ASTN1: variants seen among roughly 807,000 people sequenced by gnomAD.
ASTN1 encodes astrotactin-1.
ASTN1 carries 41 observed loss-of-function variants against 140.7 expected under a neutral mutation model. The observed-to-expected ratio is 0.29, with a 90% CI of 0.23 to 0.38. The LOEUF is 0.38. Ranked by LOEUF, ASTN1 falls within the 10% of genes least tolerant of loss-of-function variation. The pLI is 1.00. For synonymous variants in ASTN1, 640 were observed against 652.2 expected, an observed-to-expected ratio of 0.98 and a Z score of 0.29; for missense variants, 1,479 against 1,678.8, an observed-to-expected ratio of 0.88 and a Z score of 2.08.
chr1:176,984,353 T>C (rs1673783120), intron 8 of ASTN1, among the ~76,000 whole-genome samples: 1 of 152,206 alleles, frequency 6.6e-6, no homozygotes, highest in African/African-American at 2.4e-5. Context: ...AGCATTATTC[T>C]GGGAAAAAGG....
intron 9 of ASTN1, among the ~76,000 whole-genome samples, chr1:176,959,596 G>A (rs182467522): frequency 2.4e-4 from 37 of 152,128 alleles, no homozygotes; most frequent in Admixed American, 1.1e-3. Flanking sequence ...GAGTTAGAGA[G>A]CAGCCAAGCC....
chr1:176,900,149 A>G (rs1253475724), intron 16 of ASTN1, among the ~76,000 whole-genome samples: 1 of 152,250 alleles, frequency 6.6e-6, no homozygotes, highest in African/African-American at 2.4e-5. Flanking sequence ...ACAGTTCTCT[A>G]GTCCTTTACT....
At chr1:177,092,473 T>C (rs961338353) in intron 1 of ASTN1, among the ~76,000 whole-genome samples, 2 of 152,204 alleles carry the variant, frequency 1.3e-5, no homozygotes, top group African/African-American at 4.8e-5. Flanking sequence ...TTCCTGATGG[T>C]GAATTTTGAA....
chr1:176,901,906 T>C (rs1669782921), intron 16 of ASTN1, among the ~76,000 whole-genome samples: 1 of 152,268 alleles, frequency 6.6e-6, no homozygotes, highest in African/African-American at 2.4e-5. Flanking sequence ...ACAAATCTTT[T>C]GTCAGAATGT....
intron 8 of ASTN1, among the ~76,000 whole-genome samples, chr1:176,969,924 C>T (rs1557999699): frequency 1.3e-5 from 2 of 152,208 alleles, no homozygotes; most frequent in Non-Finnish European, 1.5e-5. Flanking sequence ...CAGGAAGCAC[C>T]GCAGACCCAT....
intron 7 of ASTN1, among the ~76,000 whole-genome samples, chr1:177,020,564 T>A (rs1675773441): frequency 6.6e-6 from 1 of 152,192 alleles, no homozygotes; most frequent in South Asian, 2.1e-4. Context: ...ACTCAGATAA[T>A]CTTCCCCCCA....
chr1:176,930,783 T>C (rs1671174176), intron 16 of ASTN1, among the ~76,000 whole-genome samples: 1 of 151,696 alleles, frequency 6.6e-6, no homozygotes, highest in Non-Finnish European at 1.5e-5. Context: ...GAACTGGAGG[T>C]GAGGAAGTAG....
chr1:176,895,188 A>G (rs886357703), intron 16 of ASTN1, among the ~76,000 whole-genome samples: 2 of 152,246 alleles, frequency 1.3e-5, no homozygotes, highest in Non-Finnish European at 2.9e-5. Flanking sequence ...AGATACGAAT[A>G]GTATCTATGT....
chr1:177,092,074 C>T (rs1313100819), intron 1 of ASTN1, among the ~76,000 whole-genome samples: 4 of 152,082 alleles, frequency 2.6e-5, no homozygotes, highest in Admixed American at 6.5e-5. Context: ...TGAAGAAATG[C>T]CAATTGTTTT....
Position 176,884,402 on chromosome 1 carries a change from C to A in ASTN1, c.3163G>T (p.Val1055Leu). ...HSEPPIGVQI[V>L]DYLLRQEKVT... ...TTCTCTTGACGGAGGAGGTAATCTA[C>A]AATCTGCACCCCGATTGGTGGCTCT... Residue 1055 changes from valine to leucine, a missense_variant, in exon 19 of 23, where the codon GTA becomes TTA. Physicochemically the swap from Val to Leu is conservative, Grantham distance 32. Around this residue, in one of 3 missense-constraint regions of ASTN1, gnomAD observed 746 missense variants for 800.9 expected, o/e 0.93. Transcript: ENST00000361833. 1.9e-6 allele frequency: 3 copies of A among 1,614,186 alleles called. No individual in the cohort carries two copies. The highest frequency in any genetic ancestry group is 2.5e-6 in the Non-Finnish European group (3 of 1,180,028).
At position 177,032,844 on chromosome 1, in the gene ASTN1, G is replaced by A; in HGVS notation, c.477C>T (p.Gly159=). Residue 159 remains glycine (G), a synonymous_variant, in exon 3 of 23, where the codon GGC becomes GGT. Transcript: ENST00000361833. The part of the protein sequence containing the change: ...LRILHISVMG[G]MIALLLSILC... ...AGATGGACAGCAGCAGAGCGATCATGCCACCCTAGGAAGAGAGGACCACAG... is the reference window on the plus strand; with the variant it reads ...AGATGGACAGCAGCAGAGCGATCATACCACCCTAGGAAGAGAGGACCACAG... 1 of 1,597,960 alleles carries A rather than the reference G, an allele frequency of 6.3e-7. No homozygotes were observed. Among genetic ancestry groups the A allele is most frequent in the Non-Finnish European group, 8.5e-7 (1 of 1,172,158 alleles).
intron 8 of ASTN1, among the ~76,000 whole-genome samples, chr1:177,008,793 C>A (rs1675138318): frequency 6.6e-6 from 1 of 152,032 alleles, no homozygotes; most frequent in African/African-American, 2.4e-5. Context: ...TTGTGGATGG[C>A]AAAGCAATGA....
At chr1:177,036,231 G>C (rs1000289054) in intron 2 of ASTN1, among the ~76,000 whole-genome samples, 7 of 151,656 alleles carry the variant, frequency 4.6e-5, no homozygotes, top group African/African-American at 1.7e-4. Context: ...TGTATTTTTA[G>C]TAGAGACGGG....
At chr1:177,072,099 C>T (rs1678673483) in intron 1 of ASTN1, among the ~76,000 whole-genome samples, 1 of 152,150 alleles carries the variant, frequency 6.6e-6, no homozygotes. Flanking sequence ...TGGCACAGTG[C>T]TCTTGCTACA....
intron 8 of ASTN1, among the ~76,000 whole-genome samples, chr1:176,993,760 CT>C (rs1463653359): frequency 3.3e-5 from 5 of 152,164 alleles, no homozygotes; most frequent in African/African-American, 1.2e-4. Flanking sequence ...ATCTAAATCT[CT>C]CTTTAGGATG....
intron 7 of ASTN1, among the ~76,000 whole-genome samples, 166 bp from the exon 8 acceptor site, chr1:177,015,041 CA>C (rs1675480243): frequency 6.6e-6 from 1 of 152,180 alleles, no homozygotes; most frequent in African/African-American, 2.4e-5. Context: ...CTCCACCACT[CA>C]CATAAATGAA....
intron 2 of ASTN1, among the ~76,000 whole-genome samples, chr1:177,047,057 C>T (rs1438034012): frequency 1.3e-5 from 2 of 152,192 alleles, no homozygotes; most frequent in East Asian, 1.9e-4. Context: ...AGGCCCTTGG[C>T]TAGGATCCGG....
chr1:177,004,815 T>C (rs1674913189), intron 8 of ASTN1, among the ~76,000 whole-genome samples: 1 of 152,066 alleles, frequency 6.6e-6, no homozygotes. Context: ...TCACCATACA[T>C]AAAAATTAAC....
intron 1 of ASTN1, among the ~76,000 whole-genome samples, chr1:177,067,430 T>G (rs1678418645): frequency 6.6e-6 from 1 of 152,156 alleles, no homozygotes; most frequent in Non-Finnish European, 1.5e-5. Flanking sequence ...AGATACTTAC[T>G]ATCATTAAGG....
Sources: allele counts gnomAD v4.1 joint callset (sites outside exome capture counted in the v4.1 genomes callset), GRCh38; gene constraint gnomAD v4.1.1; regional missense constraint gnomAD v4.1.1; transcripts MANE v1.5; gene names NCBI Gene and HGNC (gene_info 2026-07-23, HGNC 2026-07-21).